ADAMTS16: variants seen among roughly 807,000 people sequenced by gnomAD.
ADAMTS16 encodes A disintegrin and metalloproteinase with thrombospondin motifs 16.
ADAMTS16 carries 94 observed loss-of-function variants against 145.8 expected under a neutral mutation model. The observed-to-expected ratio is 0.64, with a 90% CI of 0.55 to 0.77. The LOEUF is 0.77. Among genes scored for constraint, ADAMTS16 ranks in the 30% least tolerant of loss-of-function variants. The probability of loss-of-function intolerance (pLI) is 0.00; values close to 1 mark genes in which losing one functional copy is unlikely to be tolerated. For synonymous variants in ADAMTS16, 659 were observed against 604.3 expected, an observed-to-expected ratio of 1.09 and a Z score of -1.33; for missense variants, 1,585 against 1,591.5, an observed-to-expected ratio of 1.00 and a Z score of 0.07.
Position 5,310,498 on chromosome 5 carries a change from T to G in ADAMTS16, c.3411+3770T>G, listed in dbSNP as rs2126529484. ...GGGCTGACATCATCCTGGATTAGAG[T>G]GGGCACTAAACTCAAAGACTGGCTG... On this transcript the variant is annotated intron_variant, in intron 21 of 22. Coordinates refer to ENST00000274181, the MANE Select transcript of ADAMTS16 (RefSeq NM_139056.4). The surrounding 1 kb of genome is among the most constrained non-coding windows in gnomAD (Gnocchi z 4.3). 6.6e-6 allele frequency among the ~76,000 whole-genome samples: 1 copy of G among 152,084 alleles called. No homozygotes were observed. Among genetic ancestry groups the G allele is most frequent in the South Asian group, 2.1e-4 (1 of 4,816 alleles).
At chr5:5,146,994 G>A (rs1300905504) in intron 3 of ADAMTS16, among the ~76,000 whole-genome samples, 1 of 152,126 alleles carries the variant, frequency 6.6e-6, no homozygotes, top group African/African-American at 2.4e-5. Flanking sequence ...ATCCAGGGGT[G>A]CATTCCCCAT....
At chr5:5,275,934 C>T (rs1262611556) in intron 18 of ADAMTS16, among the ~76,000 whole-genome samples, 2 of 151,994 alleles carry the variant, frequency 1.3e-5, no homozygotes, top group Non-Finnish European at 2.9e-5. Context: ...AATCAGCTCA[C>T]CGCAACCAAC....
At chr5:5,186,648 T>C (rs1735508582) in intron 5 of ADAMTS16, among the ~76,000 whole-genome samples, 1 of 152,166 alleles carries the variant, frequency 6.6e-6, no homozygotes, top group African/African-American at 2.4e-5. Context: ...TTTTTAGAAA[T>C]ACTAATGTTC....
Position 5,243,066 on chromosome 5 carries a change from C to T in ADAMTS16, c.2662+875C>T, listed in dbSNP as rs530206623. Among the ~76,000 whole-genome samples, 12 of 151,996 alleles carry T rather than the reference C, an allele frequency of 7.9e-5. No individual in the cohort carries two copies. In the South Asian group the frequency reaches 2.5e-3, roughly 32 times the overall value. On this transcript the variant is annotated intron_variant, in intron 17 of 22. Coordinates refer to ENST00000274181, the MANE Select transcript of ADAMTS16 (RefSeq NM_139056.4). Reference sequence around the variant, plus strand: ...TAAAGTTAAGAAGGTAGTGAATGAACAAAAATAAATAAAAATAAATTTACA... The same window carrying T: ...TAAAGTTAAGAAGGTAGTGAATGAATAAAAATAAATAAAAATAAATTTACA...
intron 3 of ADAMTS16, among the ~76,000 whole-genome samples, chr5:5,180,783 C>T (rs572272117): frequency 7.2e-5 from 11 of 152,270 alleles, no homozygotes; most frequent in East Asian, 1.9e-4. Flanking sequence ...TATTTCCTGG[C>T]GAGCTGACCT....
chr5:5,215,717 GTA>G (rs56041596), intron 10 of ADAMTS16, among the ~76,000 whole-genome samples: 4 of 133,940 alleles, frequency 3.0e-5, no homozygotes, highest in Admixed American at 7.4e-5. Flanking sequence ...TATATATGTG[GTA>G]TATATATATG....
chr5:5,184,970 G>A (rs1372119132), intron 4 of ADAMTS16, among the ~76,000 whole-genome samples: 1 of 152,162 alleles, frequency 6.6e-6, no homozygotes, highest in Non-Finnish European at 1.5e-5. Context: ...AGGAAGGGGT[G>A]TGAGCCAGTA....
intron 9 of ADAMTS16, among the ~76,000 whole-genome samples, chr5:5,206,624 T>G (rs865819572): frequency 1.5e-4 from 22 of 151,464 alleles, no homozygotes; most frequent in Middle Eastern, 6.8e-3. Flanking sequence ...GGATTACAGA[T>G]GCACACCACC....
intron 18 of ADAMTS16, among the ~76,000 whole-genome samples, chr5:5,292,249 C>T (rs1052472994): frequency 6.6e-6 from 1 of 152,060 alleles, no homozygotes; most frequent in African/African-American, 2.4e-5. Context: ...TAATCCCAGC[C>T]CTTTAAGAGG....
In ADAMTS16 at chr5:5,262,786, A is replaced by T. The variant is rs770830867; in HGVS notation, c.2789+3A>T. On this transcript the variant is annotated splice_donor_region_variant and intron_variant, in intron 18 of 22. Transcript: ENST00000274181. ...AAAGTATCTGCCTGTCCTCCCAGGTAAGAAGCATCGCGTTCATCAAAGCAG... is the reference window on the plus strand; with the variant it reads ...AAAGTATCTGCCTGTCCTCCCAGGTTAGAAGCATCGCGTTCATCAAAGCAG... 1 of 1,613,746 alleles carries T rather than the reference A, an allele frequency of 6.2e-7. No homozygotes were observed. The highest frequency in any genetic ancestry group is 2.2e-5 in the East Asian group (1 of 44,870).
At chr5:5,264,197 G>A (rs768167710) in intron 18 of ADAMTS16, among the ~76,000 whole-genome samples, 10 of 152,088 alleles carry the variant, frequency 6.6e-5, no homozygotes, top group Non-Finnish European at 1.3e-4. Context: ...CAGGCAAACA[G>A]GAATGGAAGT....
intron 2 of ADAMTS16, among the ~76,000 whole-genome samples, chr5:5,142,848 C>T (rs971925564): frequency 2.0e-5 from 3 of 152,014 alleles, no homozygotes; most frequent in African/African-American, 7.2e-5. Context: ...GTACTGGTAC[C>T]AAAACAGATA....
intron 17 of ADAMTS16, among the ~76,000 whole-genome samples, chr5:5,247,352 C>T (rs774466481): frequency 1.3e-5 from 2 of 151,938 alleles, no homozygotes; most frequent in East Asian, 1.9e-4. Flanking sequence ...AATATATTAC[C>T]CCCCCGCCCC....
At chr5:5,168,682 ATATAATTATAT>A (rs1431144400) in intron 3 of ADAMTS16, among the ~76,000 whole-genome samples, 27 of 17,776 alleles carry the variant, frequency 1.5e-3, no homozygotes, top group Non-Finnish European at 2.5e-3. Flanking sequence ...AATTATAATT[ATATAATTATAT>A]AAATATAATA....
chr5:5,269,593 T>C lies in ADAMTS16; in HGVS notation c.2789+6810T>C, dbSNP rs1269762519. On this transcript the variant is annotated intron_variant, in intron 18 of 22. Coordinates refer to ENST00000274181, the MANE Select transcript of ADAMTS16 (RefSeq NM_139056.4). This position sits in a 1 kb window ranked among gnomAD's most constrained non-coding sequence, Gnocchi z 4.3. ...AATCTCCCTGTGCCTCCAACCCCGC[T>C]GCTCTGCCCTCCCTCCCATCACAAA... Among the ~76,000 whole-genome samples, 1 of 152,154 alleles carries C rather than the reference T, an allele frequency of 6.6e-6. No individual in the cohort carries two copies. Among genetic ancestry groups the C allele is most frequent in the African/African-American group, 2.4e-5 (1 of 41,436 alleles).
intron 21 of ADAMTS16, among the ~76,000 whole-genome samples, chr5:5,315,819 C>T (rs1734038492): frequency 6.6e-6 from 1 of 151,964 alleles, no homozygotes; most frequent in African/African-American, 2.4e-5. Flanking sequence ...AATCTCCCCA[C>T]ATTATTTTTT....
chr5:5,303,079 G>A (rs1739856072), intron 18 of ADAMTS16, among the ~76,000 whole-genome samples, 189 bp from the exon 19 acceptor site: 1 of 152,218 alleles, frequency 6.6e-6, no homozygotes, highest in Admixed American at 6.5e-5. Flanking sequence ...CAGGATCAGG[G>A]AGGTGAGAAA....
chr5:5,280,736 T>A (rs531841809), intron 18 of ADAMTS16, among the ~76,000 whole-genome samples: 2 of 152,270 alleles, frequency 1.3e-5, no homozygotes, highest in South Asian at 4.2e-4. Context: ...ATTATAACAA[T>A]TAGCAATAAT....
At chr5:5,258,436 C>G (rs566218716) in intron 17 of ADAMTS16, among the ~76,000 whole-genome samples, 1 of 152,322 alleles carries the variant, frequency 6.6e-6, no homozygotes, top group Admixed American at 6.5e-5. Context: ...ATTCTAAGAC[C>G]CAGCCACGGA....
Sources: gnomAD v4.1 joint callset for allele counts (sites outside exome capture counted in the v4.1 genomes callset) on GRCh38, gnomAD v4.1.1 for gene constraint, Gnocchi (gnomAD v3.1) non-coding constraint, MANE v1.5 for transcripts, NCBI Gene and HGNC (gene_info 2026-07-23, HGNC 2026-07-21) for gene names.